The following USP34 variants were observed in gnomAD, a reference collection of about 807,000 sequenced individuals.
USP34 encodes ubiquitin carboxyl-terminal hydrolase 34.
USP34 carries 70 observed loss-of-function variants against 460.3 expected under a neutral mutation model. The ratio of observed to expected loss-of-function variants is 0.15; its 90% CI spans 0.13 to 0.19. USP34 has a LOEUF of 0.19. USP34 is among the 10% of genes least tolerant of loss of function. USP34 has a pLI of 1.00. For synonymous variants in USP34, 1,647 were observed against 1,405.3 expected, an observed-to-expected ratio of 1.17 and a Z score of -3.85; for missense variants, 3,985 against 4,236.2, an observed-to-expected ratio of 0.94 and a Z score of 1.65.
At chr2:61,262,249 C>T (rs1390173625) in intron 43 of USP34, among the ~76,000 whole-genome samples, 12 of 149,080 alleles carry the variant, frequency 8.0e-5, no homozygotes, top group African/African-American at 1.2e-4. Context: ...ATAGGTAAAC[C>T]GTGTGTCACG....
Position 61,470,726 on chromosome 2 carries a change from G to A in USP34, c.-34C>T, listed in dbSNP as rs781699805. The A allele has an allele frequency of 7.6e-6, 12 of 1,570,396 alleles. No individual in the cohort carries two copies. Among genetic ancestry groups the A allele is most frequent in the Admixed American group, 1.7e-5 (1 of 57,528 alleles). On this transcript the variant is annotated 5_prime_UTR_variant, in exon 1 of 80. Transcript: ENST00000398571. Reference sequence around the variant, plus strand: ...CGCCGCCCCCCCCCTCCCCCGCTTCGGATCACACTGACTGATCCCGACCGG... The same window carrying A: ...CGCCGCCCCCCCCCTCCCCCGCTTCAGATCACACTGACTGATCCCGACCGG...
At position 61,280,988 on chromosome 2, in the gene USP34, A is replaced by T. The variant is rs954070100; in HGVS notation, c.5151+102T>A. On this transcript the variant is annotated intron_variant, in intron 38 of 79. Coordinates refer to ENST00000398571, the MANE Select transcript of USP34 (RefSeq NM_014709.4). ...ATCCTCTTGGTAAAAAATCACATACAGTAGTCAAATGATCAAAATTTTAAG... is the reference window on the plus strand; with the variant it reads ...ATCCTCTTGGTAAAAAATCACATACTGTAGTCAAATGATCAAAATTTTAAG... 2.4e-6 allele frequency: 3 copies of T among 1,251,732 alleles called. No individual in the cohort carries two copies. The African/African-American group carries it at 4.6e-5, about 19-fold the overall frequency. The allele number at this position is 1,251,732 out of a possible 1,614,324, so 77.5% of individuals were successfully genotyped here.
rs530456051 is a variant in USP34, at chr2:61,298,470, G to A, written c.4129-1545C>T. ...GGAGAATGACTTGAACCTGGGAGGC[G>A]GAGGTTGCAGTGAGCCGATAACTTG... On this transcript the variant is annotated intron_variant, in intron 29 of 79. Transcript: ENST00000398571. Among the ~76,000 whole-genome samples the A allele has an allele frequency of 1.8e-3, 258 of 141,752 alleles. 1 individual carries two copies. The Middle Eastern group carries it at 0.019, about 10-fold the overall frequency. 93.0% of individuals were successfully genotyped at this position (141,752 alleles called of 152,430 possible).
At chr2:61,318,892 T>G (rs1380399505) in intron 22 of USP34, among the ~76,000 whole-genome samples, 1 of 152,154 alleles carries the variant, frequency 6.6e-6, no homozygotes, top group Non-Finnish European at 1.5e-5. Flanking sequence ...AAACAAACAC[T>G]AAGAAAATTA....
chr2:61,255,175 T>G (rs754660610), intron 48 of USP34, among the ~76,000 whole-genome samples: 1 of 152,168 alleles, frequency 6.6e-6, no homozygotes, highest in Non-Finnish European at 1.5e-5. Context: ...TTCCAAGAAA[T>G]TCTACTGAAA....
chr2:61,364,405 G>C (rs1692366546), intron 10 of USP34, among the ~76,000 whole-genome samples: 1 of 152,120 alleles, frequency 6.6e-6, no homozygotes, highest in Admixed American at 6.5e-5. Flanking sequence ...GGGGCTGAAA[G>C]GACGAAGGAA....
intron 15 of USP34, among the ~76,000 whole-genome samples, chr2:61,344,592 C>T (rs1048746655): frequency 6.6e-6 from 1 of 152,130 alleles, no homozygotes; most frequent in African/African-American, 2.4e-5. Flanking sequence ...CATTAATACA[C>T]AGAATATGAA....
At chr2:61,455,398 G>C (rs556796526) in intron 1 of USP34, among the ~76,000 whole-genome samples, 1 of 152,040 alleles carries the variant, frequency 6.6e-6, no homozygotes, top group Non-Finnish European at 1.5e-5. Flanking sequence ...GGCTGGTCTC[G>C]AACTCCTGAG....
intron 12 of USP34, among the ~76,000 whole-genome samples, chr2:61,350,021 A>T (rs1188345577): frequency 2.0e-5 from 3 of 152,150 alleles, no homozygotes; most frequent in Admixed American, 2.0e-4. Context: ...TTGTTTAAAA[A>T]AAAAAGATAA....
At chr2:61,325,227 C>A (rs934724415) in intron 21 of USP34, 148 bp downstream of exon 21, 17 of 532,972 alleles carry the variant, frequency 3.2e-5, no homozygotes, top group Non-Finnish European at 4.9e-5. Flanking sequence ...TGTTACAATA[C>A]CCTGTAACAA....
chr2:61,264,845 G>A (rs937146979), intron 43 of USP34, among the ~76,000 whole-genome samples: 1 of 152,092 alleles, frequency 6.6e-6, no homozygotes, highest in African/African-American at 2.4e-5. Context: ...TCAACACAGA[G>A]AGACCTCATC....
At chr2:61,401,687 T>C (rs903327444) in intron 3 of USP34, among the ~76,000 whole-genome samples, 5 of 150,176 alleles carry the variant, frequency 3.3e-5, no homozygotes, top group African/African-American at 4.9e-5. Context: ...TAGCTGGGAC[T>C]ACAGGCACCC....
chr2:61,306,782 T>C (rs1690420343), intron 27 of USP34, among the ~76,000 whole-genome samples: 1 of 152,084 alleles, frequency 6.6e-6, no homozygotes, highest in African/African-American at 2.4e-5. Context: ...CTCACACCAG[T>C]TAGAATGGCG....
intron 2 of USP34, among the ~76,000 whole-genome samples, chr2:61,417,956 G>A (rs1694245971): frequency 6.6e-6 from 1 of 151,230 alleles, no homozygotes; most frequent in South Asian, 2.1e-4. Context: ...GACCAGGCTG[G>A]TCTCAAACTC....
At chr2:61,419,068 T>C (rs1414312734) in intron 2 of USP34, among the ~76,000 whole-genome samples, 6 of 152,242 alleles carry the variant, frequency 3.9e-5, no homozygotes, top group African/African-American at 1.4e-4. Context: ...AGCTTTATTA[T>C]TATTCTATTT....
intron 39 of USP34, among the ~76,000 whole-genome samples, chr2:61,278,859 C>T (rs1479970453): frequency 2.0e-5 from 3 of 152,044 alleles, no homozygotes; most frequent in South Asian, 2.1e-4. Context: ...AATTCACACA[C>T]AATTCACCGT....
At chr2:61,346,046 C>G (rs372311377) in intron 15 of USP34, among the ~76,000 whole-genome samples, 3 of 152,008 alleles carry the variant, frequency 2.0e-5, no homozygotes, top group East Asian at 1.9e-4. Flanking sequence ...TGGAGCTTAC[C>G]CTTTTAAATA....
At chr2:61,242,872 G>C (rs1032703205) in intron 51 of USP34, among the ~76,000 whole-genome samples, 2 of 152,098 alleles carry the variant, frequency 1.3e-5, no homozygotes, top group African/African-American at 2.4e-5. Flanking sequence ...CTTTGAGACG[G>C]AGTTTTGCTC....
At chr2:61,241,483 G>A (rs1688257930) in intron 53 of USP34, 77 bp downstream of exon 53, 1 of 1,056,288 alleles carries the variant, frequency 9.5e-7, no homozygotes, top group South Asian at 1.7e-5. Flanking sequence ...TGTAGAACCT[G>A]TTCTTACACT....
Sources: allele counts gnomAD v4.1 joint callset (sites outside exome capture counted in the v4.1 genomes callset), GRCh38; gene constraint gnomAD v4.1.1; transcripts MANE v1.5; gene names NCBI Gene and HGNC (gene_info 2026-07-23, HGNC 2026-07-21).